RIMS2: variants seen among roughly 807,000 people sequenced by gnomAD.
The protein encoded by RIMS2 is regulating synaptic membrane exocytosis 2.
A neutral mutation model predicts 174.4 loss-of-function variants in RIMS2; 59 were observed. That is an observed-to-expected ratio of 0.34 (90% confidence interval 0.27 to 0.42). The LOEUF is 0.42. RIMS2 is among the 10% of genes least tolerant of loss of function. The pLI is 1.00. For synonymous variants in RIMS2, 606 were observed against 572.5 expected (o/e 1.06, Z -0.84); for missense variants, 1,620 against 1,666.3 (o/e 0.97, Z 0.48).
At chr8:104,119,087 C>T (rs1361371081) in intron 19 of RIMS2, among the ~76,000 whole-genome samples, 1 of 151,894 alleles carries the variant, frequency 6.6e-6, no homozygotes, top group Non-Finnish European at 1.5e-5. Flanking sequence ...GTGGCTCAGG[C>T]CTGTAATCCC....
chr8:103,528,086 A>C (rs1835000555), intron 1 of RIMS2, among the ~76,000 whole-genome samples: 3 of 152,122 alleles, frequency 2.0e-5, no homozygotes, highest in African/African-American at 7.2e-5. Context: ...CGCCATTCTA[A>C]CTGGTGTGAG....
intron 19 of RIMS2, among the ~76,000 whole-genome samples, chr8:104,092,157 T>A (rs1380891555): frequency 6.6e-6 from 1 of 151,794 alleles, no homozygotes; most frequent in Non-Finnish European, 1.5e-5. Flanking sequence ...TTATATCGGA[T>A]CTACTGTTTA....
intron 14 of RIMS2, among the ~76,000 whole-genome samples, chr8:103,953,464 G>A (rs1041554685): frequency 3.3e-5 from 5 of 152,074 alleles, no homozygotes; most frequent in Admixed American, 2.6e-4. Context: ...CTTAAAGAAA[G>A]GATTTTTCAA....
exon 16 of RIMS2, chr8:103,975,371 A>T: frequency 6.2e-7 from 1 of 1,612,698 alleles, no homozygotes; most frequent in East Asian, 2.2e-5. Context: ...GATGGTCGAG[A>T]TCTTCAAAGC....
At chr8:103,574,494 C>T (rs1388202899) in intron 1 of RIMS2, among the ~76,000 whole-genome samples, 1 of 152,122 alleles carries the variant, frequency 6.6e-6, no homozygotes, top group African/African-American at 2.4e-5. Context: ...GAGATTACTT[C>T]GTCTGTTTAT....
intron 17 of RIMS2, among the ~76,000 whole-genome samples, chr8:104,010,618 G>A (rs2095728051): frequency 6.6e-6 from 1 of 152,020 alleles, no homozygotes; most frequent in Non-Finnish European, 1.5e-5. Context: ...ATGGACAGTA[G>A]CCTAGATCAA....
intron 19 of RIMS2, among the ~76,000 whole-genome samples, chr8:104,047,675 C>A (rs1238079494): frequency 6.6e-6 from 1 of 152,034 alleles, no homozygotes; most frequent in Non-Finnish European, 1.5e-5. Flanking sequence ...ATTTTTATTT[C>A]AAATCATCTG....
At chr8:104,135,343 T>A (rs940044514) in intron 19 of RIMS2, among the ~76,000 whole-genome samples, 1 of 152,084 alleles carries the variant, frequency 6.6e-6, no homozygotes, top group Non-Finnish European at 1.5e-5. Context: ...ATGCCTGTAA[T>A]CCCAGCACTT....
intron 19 of RIMS2, among the ~76,000 whole-genome samples, chr8:104,069,744 C>T (rs184545008): frequency 6.6e-6 from 1 of 152,192 alleles, no homozygotes; most frequent in African/African-American, 2.4e-5. Context: ...GGATTACAAG[C>T]GTGAGCCACT....
At chr8:104,152,707 C>T (rs1201114778) in intron 19 of RIMS2, among the ~76,000 whole-genome samples, 1 of 151,930 alleles carries the variant, frequency 6.6e-6, no homozygotes, top group African/African-American at 2.4e-5. Flanking sequence ...TTTCTTCAGA[C>T]ATAAATATAT....
chr8:103,748,310 T>C (rs758667090), intron 2 of RIMS2, among the ~76,000 whole-genome samples: 3 of 151,542 alleles, frequency 2.0e-5, no homozygotes, highest in Non-Finnish European at 4.4e-5. Context: ...CTGGATCTGG[T>C]GGTGTGTGCC....
chr8:104,075,434 C>G (rs954714613), intron 19 of RIMS2, among the ~76,000 whole-genome samples: 32 of 152,172 alleles, frequency 2.1e-4, no homozygotes, highest in African/African-American at 7.7e-4. Context: ...TAGGCATAGT[C>G]TAACAGATAT....
At position 104,221,223 on chromosome 8, in the gene RIMS2, CA is replaced by C. The variant is rs1381766021; in HGVS notation, c.3335-23692del. Among the ~76,000 whole-genome samples the C allele has an allele frequency of 7.2e-5, 11 of 152,160 alleles. No individual in the cohort carries two copies. The East Asian group carries it at 2.1e-3, about 29-fold the overall frequency. On this transcript the variant is annotated intron_variant, in intron 19 of 23. Coordinates refer to ENST00000504942, the Ensembl canonical transcript of RIMS2. The stretch of plus-strand genomic sequence containing the variant: ...TTCAAACTTTTTCAAAAGTGAGAAA[CA>C]CATTTTACATCACAGCTCAATACAT...
At chr8:103,783,645 A>G (rs926196698) in intron 3 of RIMS2, among the ~76,000 whole-genome samples, 2 of 151,710 alleles carry the variant, frequency 1.3e-5, no homozygotes, top group African/African-American at 4.8e-5. Flanking sequence ...TATGTGCCAC[A>G]TTTTCTTAAT....
intron 17 of RIMS2, among the ~76,000 whole-genome samples, chr8:104,007,830 G>A (rs559001760): frequency 3.9e-5 from 6 of 152,230 alleles, no homozygotes; most frequent in South Asian, 4.1e-4. Context: ...GTTAGTTGGG[G>A]TGTTGGGGAG....
rs531183732 is a variant in RIMS2 at position 104,123,713 on chromosome 8, C to T, written c.3334+109098C>T. ...TTAAACCAATTTAAACATATAGGCC[C>T]GATAATGCTTTAAATTATTTTCAAA... On this transcript the variant is annotated intron_variant, in intron 19 of 23. Coordinates refer to ENST00000504942, the Ensembl canonical transcript of RIMS2. 6.0e-5 allele frequency among the ~76,000 whole-genome samples: 9 copies of T among 151,214 alleles called. No individual in the cohort carries two copies. In the South Asian group the frequency reaches 1.5e-3, roughly 25 times the overall value.
At chr8:104,036,276 A>G (rs1442841253) in intron 19 of RIMS2, among the ~76,000 whole-genome samples, 1 of 151,492 alleles carries the variant, frequency 6.6e-6, no homozygotes, top group Non-Finnish European at 1.5e-5. Context: ...TCAGCCTCCC[A>G]TGTAGCTGGC....
rs570048385 is a variant in RIMS2 at position 103,829,156 on chromosome 8, A to G, written c.699-56142A>G. On this transcript the variant is annotated intron_variant, in intron 3 of 23. Transcript: ENST00000504942. ...AGTTTAAAAAATGTTCAATAGCTCT[A>G]ATCATTAGAGAAATGCAAAGCAAAA... 2.6e-3 allele frequency among the ~76,000 whole-genome samples: 390 copies of G among 148,994 alleles called. 2 individuals are homozygous for G. Among genetic ancestry groups the G allele is most frequent in the Non-Finnish European group, 4.2e-3 (285 of 67,688 alleles).
chr8:104,204,828 T>C (rs1166447488), intron 19 of RIMS2, among the ~76,000 whole-genome samples: 1 of 152,162 alleles, frequency 6.6e-6, no homozygotes, highest in African/African-American at 2.4e-5. Context: ...GCCTATACGT[T>C]TTTTAAATGC....
Sources: gnomAD v4.1 joint callset for allele counts (sites outside exome capture counted in the v4.1 genomes callset) on GRCh38, gnomAD v4.1.1 for gene constraint, MANE v1.5 for transcripts, NCBI Gene and HGNC (gene_info 2026-07-23, HGNC 2026-07-21) for gene names.